The following CIT variants were observed in gnomAD, a reference collection of about 807,000 sequenced individuals.
The protein encoded by CIT is citron Rho-interacting kinase.
A neutral mutation model predicts 272.7 loss-of-function variants in CIT; 79 were observed. The observed-to-expected ratio is 0.29, with a 90% CI of 0.24 to 0.35. The LOEUF is 0.35. Among genes scored for constraint, CIT ranks in the 10% least tolerant of loss-of-function variants. The pLI is 1.00. For missense variants in CIT, 1,909 were observed against 2,618.3 expected, an observed-to-expected ratio of 0.73 and a Z score of 5.91; for synonymous variants, 948 against 995.6, an observed-to-expected ratio of 0.95 and a Z score of 0.90.
intron 28 of CIT, among the ~76,000 whole-genome samples, chr12:119,725,790 C>T (rs2079335261): frequency 6.6e-6 from 1 of 152,242 alleles, no homozygotes; most frequent in African/African-American, 2.4e-5. Context: ...ACTGGGCTGT[C>T]AGGGCCAACT....
chr12:119,722,197 G>C (rs932230639), intron 28 of CIT, among the ~76,000 whole-genome samples: 3 of 152,126 alleles, frequency 2.0e-5, no homozygotes, highest in African/African-American at 7.2e-5. Flanking sequence ...TTCCTAAAAT[G>C]CATCCGTTTC....
chr12:119,794,450 T>C (rs1363962203), intron 10 of CIT, among the ~76,000 whole-genome samples: 1 of 152,160 alleles, frequency 6.6e-6, no homozygotes, highest in East Asian at 1.9e-4. Context: ...ATGCCCAGCA[T>C]TGGTTCTGAG....
At position 119,823,068 on chromosome 12, in the gene CIT, C is replaced by CT. The variant is rs369299052; in HGVS notation, c.958-96dup. On this transcript the variant is annotated intron_variant, in intron 8 of 47. Transcript: ENST00000392521. ...AAGTATTTCTCATATATGCAAGTTT[C>CT]TTTTTTTTTGTTTTTTAGAGAAGGA... 2.5e-3 allele frequency: 3,240 copies of CT among 1,304,704 alleles called. 35 individuals are homozygous for CT. In the African/African-American group the frequency reaches 0.031, roughly 12 times the overall value. 80.8% of individuals were successfully genotyped at this position (1,304,704 alleles called of 1,614,324 possible).
chr12:119,735,125 TCCA>T (rs772590810), intron 25 of CIT, 32 bp downstream of exon 25: 2 of 1,607,016 alleles, frequency 1.2e-6, no homozygotes, highest in East Asian at 2.2e-5. Flanking sequence ...CTAAAAGTCC[TCCA>T]GGGATCTCAC....
At position 119,728,674 on chromosome 12, in the gene CIT, T is replaced by C. The variant is rs1298240756; in HGVS notation, c.3487-68A>G. 4 of 1,081,484 alleles carry C rather than the reference T, an allele frequency of 3.7e-6. No individual in the cohort carries two copies. Among genetic ancestry groups the C allele is most frequent in the Middle Eastern group, 2.0e-4 (1 of 4,896 alleles). The allele number at this position is 1,081,484 out of a possible 1,614,324, so 67.0% of individuals were successfully genotyped here. ...GTTAGATGCTGACAACGTTTATGAATGTCCACGAACCTTCACGGAGAAAGA... is the reference window on the plus strand; with the variant it reads ...GTTAGATGCTGACAACGTTTATGAACGTCCACGAACCTTCACGGAGAAAGA... On this transcript the variant is annotated intron_variant, in intron 27 of 47. Coordinates refer to ENST00000392521, the MANE Select transcript of CIT (RefSeq NM_001206999.2). This position sits in a 1 kb window ranked among gnomAD's most constrained non-coding sequence, Gnocchi z 4.3.
chr12:119,794,567 C>T (rs1478659841), intron 10 of CIT, among the ~76,000 whole-genome samples: 1 of 152,264 alleles, frequency 6.6e-6, no homozygotes, highest in African/African-American at 2.4e-5. Context: ...TGCACACTTC[C>T]CACTGGCACT....
At chr12:119,837,615 A>C (rs201767029) in intron 5 of CIT, among the ~76,000 whole-genome samples, 1 of 152,338 alleles carries the variant, frequency 6.6e-6, no homozygotes, top group East Asian at 1.9e-4. Flanking sequence ...TTGTCCAAAA[A>C]TGTAACTCTG....
rs1417671624 is a variant in CIT at position 119,791,585 on chromosome 12, C to T, written c.1296-6520G>A. On this transcript the variant is annotated intron_variant, in intron 10 of 47. Coordinates refer to ENST00000392521, the MANE Select transcript of CIT (RefSeq NM_001206999.2). The stretch of plus-strand genomic sequence containing the variant: ...ATGCAGCCTGCCCACACGTTGCTTG[C>T]CTACTCCTGGCCACATCTCGGATAC... Among the ~76,000 whole-genome samples the T allele has an allele frequency of 2.0e-5, 3 of 152,232 alleles. No individual in the cohort carries two copies. The East Asian group carries it at 5.8e-4, about 29-fold the overall frequency.
At position 119,694,702 on chromosome 12, in the gene CIT, G is replaced by A. The variant is rs1956135573; in HGVS notation, c.5882+2957C>T. Among the ~76,000 whole-genome samples the A allele has an allele frequency of 6.6e-6, 1 of 152,130 alleles. No homozygotes were observed. Among genetic ancestry groups the A allele is most frequent in the Admixed American group, 6.5e-5 (1 of 15,274 alleles). On this transcript the variant is annotated intron_variant, in intron 46 of 47. Coordinates refer to ENST00000392521, the MANE Select transcript of CIT (RefSeq NM_001206999.2). The surrounding 1 kb of genome is among the most constrained non-coding windows in gnomAD (Gnocchi z 4.5). ...GCCTGTAGTCCCAGCTACTCGGGGG[G>A]AGGCTGAAGTCGGGGGCTCTCTTGA...
intron 10 of CIT, among the ~76,000 whole-genome samples, chr12:119,802,920 T>C (rs1256987777): frequency 6.6e-6 from 1 of 151,956 alleles, no homozygotes; most frequent in African/African-American, 2.4e-5. Context: ...TCTCCCACTC[T>C]CTCCCCTTTA....
chr12:119,720,467 C>T lies in CIT; in HGVS notation c.3840+11G>A. 6.3e-7 allele frequency: 1 copy of T among 1,593,542 alleles called. No homozygotes were observed. Among genetic ancestry groups the T allele is most frequent in the Non-Finnish European group, 8.6e-7 (1 of 1,165,298 alleles). ...ACTGACAATTCCCACTTTTCAAACA[C>T]TTTGACTCACCTTTTTCTTTTTAGC... On this transcript the variant is annotated intron_variant, in intron 30 of 47. Transcript: ENST00000392521.
At position 119,775,678 on chromosome 12, in the gene CIT, T is replaced by TATTA; in HGVS notation, c.1941+107_1941+108insTAAT. 6.2e-6 allele frequency: 5 copies of TATTA among 802,502 alleles called. No homozygotes were observed. The South Asian group carries it at 7.9e-5, about 13-fold the overall frequency. The allele number at this position is 802,502 out of a possible 1,614,324, so 49.7% of individuals were successfully genotyped here. A position where few individuals can be genotyped will look rare whatever the true frequency, so the allele number is the denominator to read the frequency against. ...ACTCCCCCTTCATTTTCCTCAGCGCTGGGTGACTAATTCTGTTTCTTTCAT... is the reference window on the plus strand; with the variant it reads ...ACTCCCCCTTCATTTTCCTCAGCGCTATTAGGGTGACTAATTCTGTTTCTTTCAT... On this transcript the variant is annotated intron_variant, in intron 16 of 47. Coordinates refer to ENST00000392521, the MANE Select transcript of CIT (RefSeq NM_001206999.2).
At chr12:119,814,053 C>T (rs1287719576) in intron 9 of CIT, among the ~76,000 whole-genome samples, 1 of 152,158 alleles carries the variant, frequency 6.6e-6, no homozygotes, top group Admixed American at 6.5e-5. Context: ...TTACTTTCAA[C>T]CCTAACTTTA....
intron 10 of CIT, among the ~76,000 whole-genome samples, chr12:119,801,768 T>C (rs910049884): frequency 2.0e-5 from 3 of 152,170 alleles, no homozygotes; most frequent in African/African-American, 7.2e-5. Context: ...TGATGGCACA[T>C]TCAACAGCTA....
In CIT at chr12:119,876,197, A is replaced by T; in HGVS notation, c.-13-16T>A. Reference sequence around the variant, plus strand: ...CCCACTGGCGCTGAAAGGATATCAGAAAAGTCAAGTGTGTCCTATGTTTTG... The same window carrying T: ...CCCACTGGCGCTGAAAGGATATCAGTAAAGTCAAGTGTGTCCTATGTTTTG... On this transcript the variant is annotated splice_polypyrimidine_tract_variant and intron_variant, in intron 1 of 47. Transcript: ENST00000392521. 1 of 1,541,020 alleles carries T rather than the reference A, an allele frequency of 6.5e-7. No homozygotes were observed. The highest frequency in any genetic ancestry group is 1.1e-5 in the South Asian group (1 of 89,258).
chr12:119,761,059 C>T lies in CIT; in HGVS notation c.2305-4G>A, dbSNP rs958986784. The T allele has an allele frequency of 3.2e-5, 51 of 1,599,460 alleles. No homozygotes were observed. The highest frequency in any genetic ancestry group is 4.3e-5 in the Non-Finnish European group (50 of 1,166,702). ...TCTTTATCTGATTGTCCAACACCTA[C>T]AAAAACAAAAGCAGCAGCAAATGTT... On this transcript the variant is annotated splice_region_variant and splice_polypyrimidine_tract_variant and intron_variant, in intron 19 of 47. Coordinates refer to ENST00000392521, the MANE Select transcript of CIT (RefSeq NM_001206999.2).
In CIT at chr12:119,795,442, T is replaced by C. The variant is rs203346; in HGVS notation, c.1295+7764A>G. 8.3e-3 allele frequency among the ~76,000 whole-genome samples: 1,260 copies of C among 152,278 alleles called. 18 individuals carry two copies. Among genetic ancestry groups the C allele is most frequent in the African/African-American group, 0.029 (1,195 of 41,544 alleles). On this transcript the variant is annotated intron_variant, in intron 10 of 47. Transcript: ENST00000392521. The stretch of plus-strand genomic sequence containing the variant: ...GAAAAGTTGACCACCCTCTGCCAGA[T>C]GTGAGCTGAGTGAACCTAAGAAGTA...
At chr12:119,826,161 A>C (rs1046641507) in intron 7 of CIT, among the ~76,000 whole-genome samples, 1 of 152,180 alleles carries the variant, frequency 6.6e-6, no homozygotes, top group Non-Finnish European at 1.5e-5. Flanking sequence ...TTTGGAATTA[A>C]CGTTCCTACT....
chr12:119,835,667 C>T (rs1233601270), intron 5 of CIT, among the ~76,000 whole-genome samples: 1 of 152,128 alleles, frequency 6.6e-6, no homozygotes, highest in African/African-American at 2.4e-5. Flanking sequence ...GATGTGAATT[C>T]TCACCATCAT....
Sources: gnomAD v4.1 joint callset for allele counts (sites outside exome capture counted in the v4.1 genomes callset) on GRCh38, gnomAD v4.1.1 for gene constraint, Gnocchi (gnomAD v3.1) non-coding constraint, MANE v1.5 for transcripts, NCBI Gene and HGNC (gene_info 2026-07-23, HGNC 2026-07-21) for gene names.